CNOT1: variants seen among roughly 807,000 people sequenced by gnomAD.
The protein encoded by CNOT1 is CCR4-associated factor 1.
Under a neutral mutation model 273.8 loss-of-function variants are expected in CNOT1, and 15 were observed. The ratio of observed to expected loss-of-function variants is 0.05; its 90% confidence interval spans 0.04 to 0.08. CNOT1 has a LOEUF of 0.08. Ranked by LOEUF, CNOT1 falls within the 10% of genes least tolerant of loss-of-function variation. CNOT1 has a pLI of 1.00. For missense variants in CNOT1, 1,644 were observed against 2,912.2 expected (o/e 0.56, Z 10.02); for synonymous variants, 1,022 against 1,005.5 (o/e 1.02, Z -0.31).
At chr16:58,581,991 T>C (rs2041673822) in intron 10 of CNOT1, among the ~76,000 whole-genome samples, 1 of 151,868 alleles carries the variant, frequency 6.6e-6, no homozygotes, top group South Asian at 2.1e-4. Flanking sequence ...TATCTAAAAG[T>C]TCCATTCTAG....
At chr16:58,533,358 C>T (rs1409463007) in intron 40 of CNOT1, among the ~76,000 whole-genome samples, 1 of 152,130 alleles carries the variant, frequency 6.6e-6, no homozygotes, top group African/African-American at 2.4e-5. Context: ...CTGACGTGGC[C>T]GGGCGCTGTG....
At chr16:58,603,426 TG>T (rs2042549189) in intron 1 of CNOT1, among the ~76,000 whole-genome samples, 3 of 147,150 alleles carry the variant, frequency 2.0e-5, no homozygotes, top group Non-Finnish European at 4.5e-5. Context: ...TGTGTGTGTG[TG>T]TGTGTGTGTG....
intron 35 of CNOT1, among the ~76,000 whole-genome samples, chr16:58,539,484 C>CACACAT (rs2040017874): frequency 6.6e-6 from 1 of 151,422 alleles, no homozygotes; most frequent in Non-Finnish European, 1.5e-5. Flanking sequence ...CACACACACA[C>CACACAT]ACACACACAG....
At chr16:58,526,483 A>G (rs901312726) in intron 44 of CNOT1, among the ~76,000 whole-genome samples, 1 of 146,306 alleles carries the variant, frequency 6.8e-6, no homozygotes, top group African/African-American at 2.6e-5. Flanking sequence ...AAGAAGCCCC[A>G]GCAAGACCAG....
intron 13 of CNOT1, among the ~76,000 whole-genome samples, chr16:58,577,025 C>T (rs1431304333): frequency 1.3e-5 from 2 of 151,870 alleles, no homozygotes; most frequent in East Asian, 3.9e-4. Context: ...CTGGGAGTGG[C>T]GCCTGTACAC....
At position 58,579,581 on chromosome 16, in the gene CNOT1, C is replaced by T. The variant is rs1035852719; in HGVS notation, c.1344-642G>A. Among the ~76,000 whole-genome samples, 34 of 151,902 alleles carry T rather than the reference C, an allele frequency of 2.2e-4. 2 individuals carry two copies. The highest frequency in any genetic ancestry group is 1.8e-4 in the Non-Finnish European group (12 of 67,982). On this transcript the variant is annotated intron_variant, in intron 12 of 48. Coordinates refer to ENST00000317147, the MANE Select transcript of CNOT1 (RefSeq NM_016284.5). ...TTTTCAAATCTAATGTTGGCTACCACCTAAGAAAAGAACACACCACCACCA... is the reference window on the plus strand; with the variant it reads ...TTTTCAAATCTAATGTTGGCTACCATCTAAGAAAAGAACACACCACCACCA...
At chr16:58,567,582 C>T (rs939635224) in intron 16 of CNOT1, among the ~76,000 whole-genome samples, 1 of 145,476 alleles carries the variant, frequency 6.9e-6, no homozygotes, top group Admixed American at 6.8e-5. Context: ...TCTCATAAAG[C>T]AAAACGACAG....
Position 58,537,211 on chromosome 16 carries a change from C to T in CNOT1, c.5424G>A (p.Gln1808=). 6.3e-7 allele frequency: 1 copy of T among 1,599,152 alleles called. No individual in the cohort carries two copies. Among genetic ancestry groups the T allele is most frequent in the Admixed American group, 1.7e-5 (1 of 58,236 alleles). The change falls in exon 39 of 49, where the codon CAG becomes CAA. Residue 1808 remains glutamine, a synonymous_variant. Transcript: ENST00000317147. ...AGTTGGATCGCACTACTTCCATCAGCTGGGGCAATCTAGCACAATAAATAA... is the reference window on the plus strand; with the variant it reads ...AGTTGGATCGCACTACTTCCATCAGTTGGGGCAATCTAGCACAATAAATAA... The part of the protein sequence containing the change: ...SRGNAPEGLP[Q]LMEVVRSNYE...
At chr16:58,526,687 G>GT (rs2039594901) in intron 44 of CNOT1, among the ~76,000 whole-genome samples, 1 of 151,942 alleles carries the variant, frequency 6.6e-6, no homozygotes, top group South Asian at 2.1e-4. Context: ...GCTGGGTGTG[G>GT]TGCCTGTAAT....
chr16:58,527,981 C>T (rs1354701109), intron 44 of CNOT1: 3 of 334,558 alleles, frequency 9.0e-6, no homozygotes, highest in South Asian at 2.3e-5. Flanking sequence ...GGTGTGGTGG[C>T]GAGTGCCTGT....
At chr16:58,526,258 C>G in intron 44 of CNOT1, 120 bp from the exon 45 acceptor site, 1 of 871,260 alleles carries the variant, frequency 1.1e-6, no homozygotes, top group African/African-American at 1.7e-5. Flanking sequence ...CCTTGAAGAG[C>G]ACAGCTGCCA....
Position 58,525,114 on chromosome 16 carries a change from T to C in CNOT1, c.6784+65A>G, listed in dbSNP as rs1244711761. ...TGTGGCTTGAAGCATTTTTACATTT[T>C]TGTGATCAGATTGTAGCAAAAAGCA... is the stretch of plus-strand genomic sequence containing the variant. On this transcript the variant is annotated intron_variant, in intron 46 of 48. Transcript: ENST00000317147. 7 of 1,471,972 alleles carry C rather than the reference T, an allele frequency of 4.8e-6. No homozygotes were observed. The Admixed American group carries it at 1.2e-4, about 25-fold the overall frequency. 91.2% of individuals were successfully genotyped at this position (1,471,972 alleles called of 1,614,324 possible). A position where few individuals can be genotyped will look rare whatever the true frequency, so the allele number is the denominator to read the frequency against.
At chr16:58,623,987 G>A (rs571762769) in intron 1 of CNOT1, among the ~76,000 whole-genome samples, 184 of 150,348 alleles carry the variant, frequency 1.2e-3, no homozygotes, top group Non-Finnish European at 2.1e-3. Flanking sequence ...CAAGACTCCG[G>A]CTCCAAAAAA....
intron 1 of CNOT1, among the ~76,000 whole-genome samples, chr16:58,617,669 T>C (rs1215846707): frequency 6.6e-6 from 1 of 152,172 alleles, no homozygotes; most frequent in Non-Finnish European, 1.5e-5. Context: ...AAATGGCTGA[T>C]ATAGCCACCT....
chr16:58,593,384 A>C (rs927049295), intron 2 of CNOT1, among the ~76,000 whole-genome samples: 1 of 151,940 alleles, frequency 6.6e-6, no homozygotes, highest in Non-Finnish European at 1.5e-5. Context: ...ACATGGAGAA[A>C]CCTCGTCTCT....
intron 14 of CNOT1, among the ~76,000 whole-genome samples, chr16:58,575,856 C>T (rs2041442862): frequency 6.6e-6 from 1 of 152,046 alleles, no homozygotes; most frequent in Non-Finnish European, 1.5e-5. Flanking sequence ...CACAGAGTTG[C>T]TTAAGGGAAG....
intron 16 of CNOT1, among the ~76,000 whole-genome samples, chr16:58,570,026 A>G (rs2041213551): frequency 6.6e-6 from 1 of 152,190 alleles, no homozygotes; most frequent in Non-Finnish European, 1.5e-5. Flanking sequence ...AATACTCAAT[A>G]AATTAACAGC....
intron 16 of CNOT1, among the ~76,000 whole-genome samples, chr16:58,561,025 C>CA (rs539689948): frequency 2.7e-5 from 4 of 150,614 alleles, no homozygotes; most frequent in Non-Finnish European, 4.4e-5. Flanking sequence ...ACTCCGTCTT[C>CA]AAAAAAAAAG....
At chr16:58,620,007 A>C (rs1597616679) in intron 1 of CNOT1, among the ~76,000 whole-genome samples, 2 of 152,186 alleles carry the variant, frequency 1.3e-5, no homozygotes, top group Admixed American at 1.3e-4. Flanking sequence ...CCACCGATAG[A>C]TCTTTTCCTC....
Sources: allele counts gnomAD v4.1 joint callset (sites outside exome capture counted in the v4.1 genomes callset), GRCh38; gene constraint gnomAD v4.1.1; transcripts MANE v1.5; gene names NCBI Gene and HGNC (gene_info 2026-07-23, HGNC 2026-07-21).